KCNIP4: variants seen among roughly 807,000 people sequenced by gnomAD.
The protein encoded by KCNIP4 is potassium voltage-gated channel interacting protein 4.
KCNIP4 carries 12 observed loss-of-function variants against 34.0 expected under a neutral mutation model. That is an observed-to-expected ratio of 0.35 (90% CI 0.23 to 0.57). The LOEUF (loss-of-function observed/expected upper bound fraction) is 0.57. KCNIP4 is among the 20% of genes least tolerant of loss of function. The pLI is 0.83. For missense variants in KCNIP4, 238 were observed against 311.7 expected (o/e 0.76, Z 1.78); for synonymous variants, 124 against 102.2 (o/e 1.21, Z -1.29).
intron 3 of KCNIP4, among the ~76,000 whole-genome samples, chr4:20,760,499 T>C (rs1754868868): frequency 6.6e-6 from 1 of 152,208 alleles, no homozygotes. Flanking sequence ...TGCAGAATTT[T>C]CTATTTTCTC....
chr4:21,307,579 A>G (rs116028376), intron 1 of KCNIP4, among the ~76,000 whole-genome samples: 3,142 of 152,274 alleles, frequency 0.021, 55 homozygotes, highest in Non-Finnish European at 0.032. Context: ...TGTTCAATAT[A>G]ATATCCTCAA....
intron 1 of KCNIP4, among the ~76,000 whole-genome samples, chr4:21,262,709 C>G (rs184161392): frequency 1.1e-3 from 170 of 152,316 alleles, no homozygotes; most frequent in African/African-American, 3.8e-3. Context: ...AATCTCATCT[C>G]AGGATCTGCT....
At chr4:21,002,799 C>A (rs994111805) in intron 1 of KCNIP4, among the ~76,000 whole-genome samples, 12 of 152,184 alleles carry the variant, frequency 7.9e-5, no homozygotes, top group African/African-American at 2.7e-4. Flanking sequence ...GGATTCAAGT[C>A]ACTGGAACAT....
intron 1 of KCNIP4, among the ~76,000 whole-genome samples, chr4:21,500,608 T>G (rs887087888): frequency 6.6e-6 from 1 of 152,172 alleles, no homozygotes; most frequent in Non-Finnish European, 1.5e-5. Flanking sequence ...AGTAGAAAAC[T>G]TGTTTAAATG....
intron 1 of KCNIP4, among the ~76,000 whole-genome samples, chr4:21,404,602 T>C (rs1723818983): frequency 1.3e-5 from 2 of 152,174 alleles, no homozygotes; most frequent in Non-Finnish European, 2.9e-5. Flanking sequence ...ATACATAGCA[T>C]ATTAACAATC....
At position 20,917,023 on chromosome 4, in the gene KCNIP4, A is replaced by T. The variant is rs867518137; in HGVS notation, c.62-34314T>A. ...TATATATATATATATATATATATAT[A>T]TATATATATATATATATATATATAT... is the stretch of plus-strand genomic sequence containing the variant. On this transcript the variant is annotated intron_variant, in intron 1 of 8. Transcript: ENST00000382152. Among the ~76,000 whole-genome samples, 4 of 27,978 alleles carry T rather than the reference A, an allele frequency of 1.4e-4. 1 individual carries two copies. In the South Asian group the frequency reaches 3.5e-3, roughly 24 times the overall value. The allele number at this position is 27,978 out of a possible 152,430, so 18.4% of individuals were successfully genotyped here. A position where few individuals can be genotyped will look rare whatever the true frequency, so the allele number is the denominator to read the frequency against.
At chr4:21,904,537 T>C (rs1055307364) in intron 1 of KCNIP4, among the ~76,000 whole-genome samples, 1 of 152,182 alleles carries the variant, frequency 6.6e-6, no homozygotes, top group Non-Finnish European at 1.5e-5. Context: ...TCACCAAACA[T>C]CTTTTCAAAT....
At chr4:21,344,843 C>T (rs1201308206) in intron 1 of KCNIP4, among the ~76,000 whole-genome samples, 1 of 152,160 alleles carries the variant, frequency 6.6e-6, no homozygotes, top group Non-Finnish European at 1.5e-5. Context: ...CACAGGCATT[C>T]TGACTCCTAT....
intron 5 of KCNIP4, among the ~76,000 whole-genome samples, chr4:20,738,899 C>G (rs901256733): frequency 1.3e-4 from 20 of 152,188 alleles, no homozygotes; most frequent in African/African-American, 4.8e-4. Flanking sequence ...CAATATTGTG[C>G]TTTTCCAACA....
At chr4:21,123,082 C>T (rs566280928) in intron 1 of KCNIP4, among the ~76,000 whole-genome samples, 54 of 152,080 alleles carry the variant, frequency 3.6e-4, no homozygotes, top group Non-Finnish European at 4.9e-4. Context: ...GACTTGGTGG[C>T]GGGCGCCTGT....
chr4:21,709,947 C>G (rs1713591746), intron 1 of KCNIP4, among the ~76,000 whole-genome samples: 1 of 152,156 alleles, frequency 6.6e-6, no homozygotes, highest in Admixed American at 6.5e-5. Flanking sequence ...TTACTGACAT[C>G]ATATAATGAT....
intron 1 of KCNIP4, among the ~76,000 whole-genome samples, chr4:21,672,874 G>C (rs963376198): frequency 2.6e-5 from 4 of 152,230 alleles, no homozygotes; most frequent in Non-Finnish European, 5.9e-5. Context: ...TCAGGCCTGG[G>C]AGATCTGCTG....
chr4:21,799,128 A>C (rs1720836444), intron 1 of KCNIP4, among the ~76,000 whole-genome samples: 1 of 152,176 alleles, frequency 6.6e-6, no homozygotes, highest in Admixed American at 6.5e-5. Context: ...TACCATTAAT[A>C]ATAATAAGAG....
At chr4:21,276,345 T>A (rs1762436312) in intron 1 of KCNIP4, among the ~76,000 whole-genome samples, 1 of 149,510 alleles carries the variant, frequency 6.7e-6, no homozygotes. Flanking sequence ...GTAGTCCTAG[T>A]AAACTGAGAT....
chr4:21,933,115 A>T lies in KCNIP4; in HGVS notation c.61+15456T>A, dbSNP rs557193857. On this transcript the variant is annotated intron_variant, in intron 1 of 8. Coordinates refer to ENST00000382152, the MANE Select transcript of KCNIP4 (RefSeq NM_025221.6). The stretch of plus-strand genomic sequence containing the variant: ...TGAAAAAATTATTCCAGATATCACA[A>T]GGGCAAGCAGTACAAATACATGATC... Among the ~76,000 whole-genome samples the T allele has an allele frequency of 1.6e-4, 25 of 151,932 alleles. No individual in the cohort carries two copies. The East Asian group carries it at 4.5e-3, about 27-fold the overall frequency.
At chr4:21,712,580 C>T (rs527475179) in intron 1 of KCNIP4, among the ~76,000 whole-genome samples, 1 of 152,100 alleles carries the variant, frequency 6.6e-6, no homozygotes, top group African/African-American at 2.4e-5. Context: ...AGAAATGTCA[C>T]CTCTCTTGTG....
intron 1 of KCNIP4, among the ~76,000 whole-genome samples, chr4:21,112,712 C>T (rs1027614562): frequency 6.6e-6 from 1 of 152,198 alleles, no homozygotes; most frequent in Non-Finnish European, 1.5e-5. Flanking sequence ...TGATCCACTG[C>T]TCAGTCATCT....
At chr4:20,780,560 C>G (rs1227402594) in intron 3 of KCNIP4, among the ~76,000 whole-genome samples, 1 of 152,218 alleles carries the variant, frequency 6.6e-6, no homozygotes, top group Non-Finnish European at 1.5e-5. Context: ...ACTTCAGGAA[C>G]TGCCAATACC....
chr4:20,778,025 G>T (rs1347700573), intron 3 of KCNIP4, among the ~76,000 whole-genome samples: 1 of 152,186 alleles, frequency 6.6e-6, no homozygotes, highest in East Asian at 1.9e-4. Context: ...AGAGGTACAA[G>T]GAGAAGCCGT....
Sources: gnomAD v4.1 joint callset for allele counts (sites outside exome capture counted in the v4.1 genomes callset) on GRCh38, gnomAD v4.1.1 for gene constraint, MANE v1.5 for transcripts, NCBI Gene and HGNC (gene_info 2026-07-23, HGNC 2026-07-21) for gene names.